Variants in C20orf96 observed in about 807,000 individuals in gnomAD.
The protein encoded by C20orf96 is chromosome 20 open reading frame 96.
Under a neutral mutation model 52.6 loss-of-function variants are expected in C20orf96, and 57 were observed. That is an observed-to-expected ratio of 1.08 (90% CI 0.88 to 1.35). The LOEUF (loss-of-function observed/expected upper bound fraction) is 1.35, where lower values mean the gene tolerates loss of function less well. Ranked by LOEUF, C20orf96 falls within the 40% of genes most tolerant of loss-of-function variation. The pLI is 0.00. For synonymous variants in C20orf96, 168 were observed against 157.2 expected, an observed-to-expected ratio of 1.07 and a Z score of -0.51; for missense variants, 478 against 443.6, an observed-to-expected ratio of 1.08 and a Z score of -0.70.
chr20:290,400 G>C, intron 1 of C20orf96, 93 bp from the exon 2 acceptor site: 15 of 1,567,568 alleles, frequency 9.6e-6, no homozygotes, highest in Non-Finnish European at 1.2e-5. Flanking sequence ...TCTCGAACCA[G>C]AAACTGCAGT....
In C20orf96 at chr20:284,061, T is replaced by C; in HGVS notation, c.208A>G (p.Thr70Ala). The C allele has an allele frequency of 1.2e-6, 2 of 1,613,950 alleles. No individual in the cohort carries two copies. Among genetic ancestry groups the C allele is most frequent in the Non-Finnish European group, 8.5e-7 (1 of 1,179,920 alleles). ...TTCGGCTGGCAGCTTGTCACCACCG[T>C]AGTGGGCTTGAAGTGAAACACTAGG... ...VQPVFHFKPT[T>A]VVTSCQPKNP... The change falls in exon 4 of 11, where the codon ACG (threonine) becomes GCG (alanine). Residue 70 changes from threonine (T) to alanine (A), a missense_variant. Transcript: ENST00000360321.
In C20orf96 at chr20:276,335, C is replaced by T. The variant is rs548543406; in HGVS notation, c.913-249G>A. 13 of 985,056 alleles carry T rather than the reference C, an allele frequency of 1.3e-5. No individual in the cohort carries two copies. In the South Asian group the frequency reaches 2.4e-4, roughly 18 times the overall value. The allele number at this position is 985,056 out of a possible 1,614,324, so 61.0% of individuals were successfully genotyped here. A position where few individuals can be genotyped will look rare whatever the true frequency, so the allele number is the denominator to read the frequency against. Reference sequence around the variant, plus strand: ...AGAATGGAGACAGGTTACAAAGTGGCGGGGAATGCTCAATCATGGGAATGA... The same window carrying T: ...AGAATGGAGACAGGTTACAAAGTGGTGGGGAATGCTCAATCATGGGAATGA... On this transcript the variant is annotated intron_variant, in intron 9 of 10. Transcript: ENST00000360321.
At chr20:287,908 CAAA>C (rs71327437) in intron 3 of C20orf96, among the ~76,000 whole-genome samples, 31 of 63,080 alleles carry the variant, frequency 4.9e-4, no homozygotes, top group East Asian at 6.3e-4. Context: ...GACTCCTTCT[CAAA>C]AAAAAAAAAA....
Position 278,214 on chromosome 20 carries a change from G to A in C20orf96, c.565+116C>T, listed in dbSNP as rs542932703. 64 of 796,754 alleles carry A rather than the reference G, an allele frequency of 8.0e-5. No individual in the cohort carries two copies. In the African/African-American group the frequency reaches 9.4e-4, roughly 12 times the overall value. The allele number at this position is 796,754 out of a possible 1,614,324, so 49.4% of individuals were successfully genotyped here. On this transcript the variant is annotated intron_variant, in intron 6 of 10. Transcript: ENST00000360321. ...GTATCTTAGCATTCCCATCTGCCAA[G>A]AAGAGAGCCAATGGGGCTGAGGGTT...
chr20:271,471 C>T (rs399511), intron 10 of C20orf96, among the ~76,000 whole-genome samples: 5 of 141,360 alleles, frequency 3.5e-5, no homozygotes, highest in Admixed American at 1.4e-4. Context: ...CACACACACA[C>T]ACACACACAT....
intron 10 of C20orf96, among the ~76,000 whole-genome samples, chr20:271,809 G>A (rs2011850298): frequency 6.6e-6 from 1 of 152,208 alleles, no homozygotes; most frequent in Non-Finnish European, 1.5e-5. Flanking sequence ...AAGATTAAAT[G>A]AGACCATGCC....
chr20:271,320 A>G (rs1312714191), intron 10 of C20orf96, 53 bp from the exon 11 acceptor site: 9 of 1,435,786 alleles, frequency 6.3e-6, no homozygotes, highest in African/African-American at 1.4e-5. Context: ...GCGGTGTGGG[A>G]GCACCCACTC....
chr20:290,164 A>G, intron 2 of C20orf96, 95 bp downstream of exon 2: 1 of 960,738 alleles, frequency 1.0e-6, no homozygotes, highest in Non-Finnish European at 1.6e-6. Context: ...TCTCCAGCCT[A>G]TATCCGCGGA....
At chr20:283,642 C>T (rs538331035) in intron 4 of C20orf96, among the ~76,000 whole-genome samples, 18 of 152,152 alleles carry the variant, frequency 1.2e-4, no homozygotes, top group African/African-American at 4.1e-4. Context: ...GCCACTAGAT[C>T]GTGTTCCTAA....
intron 4 of C20orf96, among the ~76,000 whole-genome samples, chr20:281,877 G>A (rs927262130): frequency 2.1e-4 from 32 of 152,164 alleles, no homozygotes; most frequent in African/African-American, 5.3e-4. Context: ...TGAGGTGGGA[G>A]GATCACCTGG....
In C20orf96 at chr20:276,062, T is replaced by C. The variant is rs1362023905; in HGVS notation, c.937A>G (p.Met313Val). ...TCCACCTCGGCCCTTAATACAGGCATGTTCTCCTCAAACTGGTCAATAATC... is the reference window on the plus strand; with the variant it reads ...TCCACCTCGGCCCTTAATACAGGCACGTTCTCCTCAAACTGGTCAATAATC... ...REIIDQFEEN[M>V]PVLRAEVEEL... is the part of the protein sequence containing the mutation. The change falls in exon 10 of 11, where the codon ATG becomes GTG. Residue 313 changes from methionine to valine, a missense_variant. Transcript: ENST00000360321. The C allele has an allele frequency of 3.1e-6, 5 of 1,614,008 alleles. No homozygotes were observed. The highest frequency in any genetic ancestry group is 1.6e-4 in the Middle Eastern group (1 of 6,078).
At chr20:283,365 AC>A (rs1474261852) in intron 4 of C20orf96, among the ~76,000 whole-genome samples, 1 of 151,886 alleles carries the variant, frequency 6.6e-6, no homozygotes, top group East Asian at 1.9e-4. Flanking sequence ...GTGCAGTGGC[AC>A]CATCTCAGCT....
chr20:273,842 A>C (rs1161715612), intron 10 of C20orf96, among the ~76,000 whole-genome samples: 4 of 138,188 alleles, frequency 2.9e-5, no homozygotes, highest in Non-Finnish European at 6.1e-5. Flanking sequence ...GTGCCAGTGC[A>C]CTCCAGCCTG....
rs1223978449 is a variant in C20orf96 at position 278,394 on chromosome 20, C to T, written c.501G>A (p.Lys167=). ...IIDILEYSNK[K]RLQQLKSELQ... is the part of the protein sequence containing the mutation. ...GCTCAGATTTCAATTGCTGCAGCCTCTTCTTGTTTGAGTACTCCAAGATGT... is the reference window on the plus strand; with the variant it reads ...GCTCAGATTTCAATTGCTGCAGCCTTTTCTTGTTTGAGTACTCCAAGATGT... Residue 167 remains lysine, a synonymous_variant, in exon 6 of 11, where the codon AAG becomes AAA. Transcript: ENST00000360321. 4 of 1,614,026 alleles carry T rather than the reference C, an allele frequency of 2.5e-6. 1 individual carries two copies. The highest frequency in any genetic ancestry group is 1.7e-6 in the Non-Finnish European group (2 of 1,179,962).
intron 9 of C20orf96, chr20:276,374 G>A: frequency 1.0e-6 from 1 of 985,400 alleles, no homozygotes; most frequent in African/African-American, 1.7e-5. Context: ...GAGGCTGGCA[G>A]AGATAGTGAA....
In C20orf96 at chr20:290,675, T is replaced by C; in HGVS notation, c.-65A>G. 1 of 1,598,430 alleles carries C rather than the reference T, an allele frequency of 6.3e-7. No homozygotes were observed. Among genetic ancestry groups the C allele is most frequent in the East Asian group, 2.2e-5 (1 of 44,746 alleles). The stretch of plus-strand genomic sequence containing the variant: ...TGATCTTCTGGTATAACTACTCGGC[T>C]TTTCCAACTTCCTTGTCTCAGTGTA... On this transcript the variant is annotated 5_prime_UTR_variant, in exon 1 of 11. Coordinates refer to ENST00000360321, the MANE Select transcript of C20orf96 (RefSeq NM_153269.3).
intron 6 of C20orf96, 64 bp from the exon 7 acceptor site, chr20:277,447 C>A: frequency 6.5e-7 from 1 of 1,531,422 alleles, no homozygotes; most frequent in Non-Finnish European, 8.9e-7. Context: ...GCACCTGGGC[C>A]CCAGGAGGCC....
intron 1 of C20orf96, 101 bp from the exon 2 acceptor site, chr20:290,408 A>C (rs2012509041): frequency 3.8e-6 from 6 of 1,560,896 alleles, no homozygotes; most frequent in South Asian, 1.2e-5. Context: ...CAGAAACTGC[A>C]GTTTACCGGG....
chr20:289,873 G>T (rs1431256365), intron 2 of C20orf96, among the ~76,000 whole-genome samples, 197 bp from the exon 3 acceptor site: 2 of 152,134 alleles, frequency 1.3e-5, no homozygotes, highest in Non-Finnish European at 2.9e-5. Flanking sequence ...GAAGCATGTG[G>T]TAAGTGCTCC....
Sources: gnomAD v4.1 joint callset for allele counts (sites outside exome capture counted in the v4.1 genomes callset) on GRCh38, gnomAD v4.1.1 for gene constraint, MANE v1.5 for transcripts, NCBI Gene and HGNC (gene_info 2026-07-23, HGNC 2026-07-21) for gene names.